Variants in APLP2 observed in about 807,000 individuals in gnomAD.
The protein encoded by APLP2 is amyloid beta precursor like protein 2.
A neutral mutation model predicts 89.9 loss-of-function variants in APLP2; 53 were observed. The observed-to-expected ratio is 0.59, with a 90% CI of 0.47 to 0.74. The LOEUF (loss-of-function observed/expected upper bound fraction) is 0.74, where lower values mean the gene tolerates loss of function less well. APLP2 is among the 30% of genes least tolerant of loss of function. The pLI is 0.00. For synonymous variants in APLP2, 372 were observed against 348.6 expected, an observed-to-expected ratio of 1.07 and a Z score of -0.75; for missense variants, 973 against 975.9, an observed-to-expected ratio of 1.00 and a Z score of 0.04.
At chr11:130,130,958 T>C (rs768220102) in intron 11 of APLP2, among the ~76,000 whole-genome samples, 31 of 152,344 alleles carry the variant, frequency 2.0e-4, no homozygotes, top group Non-Finnish European at 3.5e-4. Flanking sequence ...GCTGAGCTGC[T>C]CCATTTGTGG....
At chr11:130,125,048 G>A (rs1191628727) in intron 7 of APLP2, among the ~76,000 whole-genome samples, 4 of 152,142 alleles carry the variant, frequency 2.6e-5, no homozygotes, top group Non-Finnish European at 5.9e-5. Context: ...GATTTGCCTC[G>A]GAGAAGCTTT....
intron 1 of APLP2, among the ~76,000 whole-genome samples, chr11:130,105,826 C>G (rs915822645): frequency 1.3e-5 from 2 of 151,940 alleles, no homozygotes; most frequent in African/African-American, 4.8e-5. Context: ...GCCTCAGCCT[C>G]CTGAGTAGCT....
rs1950540176 is a variant in APLP2 at position 130,127,752 on chromosome 11, G to C, written c.1222-14G>C. ...ATTAATCACTGCTGACGGCGTTTTT[G>C]ACCTTTGTTCTAGGTAAAGAAGGAA... On this transcript the variant is annotated splice_polypyrimidine_tract_variant and intron_variant, in intron 8 of 16. Transcript: ENST00000338167. 6.2e-7 allele frequency: 1 copy of C among 1,613,564 alleles called. No individual in the cohort carries two copies. Among genetic ancestry groups the C allele is most frequent in the Non-Finnish European group, 8.5e-7 (1 of 1,179,558 alleles).
At chr11:130,131,806 G>A (rs183573435) in intron 11 of APLP2, among the ~76,000 whole-genome samples, 2 of 152,198 alleles carry the variant, frequency 1.3e-5, no homozygotes, top group Admixed American at 1.3e-4. Flanking sequence ...GTGAGATCAA[G>A]CTTCCACACC....
At chr11:130,105,106 A>AC (rs1334129570) in intron 1 of APLP2, among the ~76,000 whole-genome samples, 3 of 152,242 alleles carry the variant, frequency 2.0e-5, no homozygotes, top group Non-Finnish European at 2.9e-5. Context: ...AGAAAATCAT[A>AC]CATTTTCCAC....
At chr11:130,091,971 G>C (rs1945349668) in intron 1 of APLP2, among the ~76,000 whole-genome samples, 1 of 138,312 alleles carries the variant, frequency 7.2e-6, no homozygotes, top group Non-Finnish European at 1.5e-5. Flanking sequence ...CAGACGGGGC[G>C]GTTGCCAGGC....
chr11:130,133,841 A>C, intron 12 of APLP2, 113 bp downstream of exon 12: 1 of 760,054 alleles, frequency 1.3e-6, no homozygotes, highest in Non-Finnish European at 2.2e-6. Flanking sequence ...GAAGTGGGGC[A>C]TTAGCACATC....
intron 1 of APLP2, among the ~76,000 whole-genome samples, chr11:130,078,014 G>C (rs1942429130): frequency 6.6e-6 from 1 of 152,210 alleles, no homozygotes; most frequent in African/African-American, 2.4e-5. Flanking sequence ...AACTACCACT[G>C]AGGTCAAGAA....
rs772998883 is a variant in APLP2, at chr11:130,143,468, C to A, written c.*20C>A. On this transcript the variant is annotated 3_prime_UTR_variant, in exon 17 of 17. Coordinates refer to ENST00000338167, the MANE Select transcript of APLP2 (RefSeq NM_001142276.2). ...ATTTAGGTGGCAGGGAGCGCGGCAG[C>A]CCTGGCGGAGGGATGCAGGTGGGCC... 3.0e-5 allele frequency: 48 copies of A among 1,602,756 alleles called. No individual in the cohort carries two copies. The Admixed American group carries it at 7.7e-4, about 26-fold the overall frequency.
chr11:130,135,303 A>G (rs1401898052), intron 12 of APLP2, among the ~76,000 whole-genome samples: 1 of 152,174 alleles, frequency 6.6e-6, no homozygotes, highest in Non-Finnish European at 1.5e-5. Context: ...TAGACCTTAA[A>G]TATGTACAAT....
At chr11:130,111,602 G>T (rs1053670471) in intron 3 of APLP2, among the ~76,000 whole-genome samples, 5 of 152,144 alleles carry the variant, frequency 3.3e-5, no homozygotes, top group African/African-American at 1.2e-4. Flanking sequence ...AGGAAGAAGC[G>T]GTGCCCCTGA....
chr11:130,135,808 G>T, intron 13 of APLP2, 93 bp downstream of exon 13: 1 of 1,477,028 alleles, frequency 6.8e-7, no homozygotes, highest in Admixed American at 1.9e-5. Flanking sequence ...ATTGAGTTGG[G>T]AGATGGTGTT....
At chr11:130,087,670 C>G (rs1944332189) in intron 1 of APLP2, among the ~76,000 whole-genome samples, 1 of 152,202 alleles carries the variant, frequency 6.6e-6, no homozygotes, top group African/African-American at 2.4e-5. Flanking sequence ...CCAAAAACCA[C>G]ATTTCATAGC....
chr11:130,130,024 G>C lies in APLP2; in HGVS notation c.1456-14G>C, dbSNP rs1378968500. The C allele has an allele frequency of 1.2e-6, 2 of 1,613,244 alleles. No homozygotes were observed. The highest frequency in any genetic ancestry group is 1.7e-6 in the Non-Finnish European group (2 of 1,179,428). On this transcript the variant is annotated splice_polypyrimidine_tract_variant and intron_variant, in intron 10 of 16. Transcript: ENST00000338167. ...CTAGTCTCTGGATATTAAAACAACTGTTCTCTCTTGCAGCCTCATCGCATT... is the reference window on the plus strand; with the variant it reads ...CTAGTCTCTGGATATTAAAACAACTCTTCTCTCTTGCAGCCTCATCGCATT...
At position 130,121,857 on chromosome 11, in the gene APLP2, G is replaced by T. The variant is rs368717793; in HGVS notation, c.713+47G>T. 23 of 1,584,928 alleles carry T rather than the reference G, an allele frequency of 1.5e-5. No individual in the cohort carries two copies. The African/African-American group carries it at 3.1e-4, about 21-fold the overall frequency. On this transcript the variant is annotated intron_variant, in intron 5 of 16. Transcript: ENST00000338167. ...GTGAAGTCGTTTTGCCTTTTTGTTA[G>T]CCCTTCTGTAAAGACGGCTGTTGGC... is the stretch of plus-strand genomic sequence containing the variant.
At chr11:130,122,840 C>G (rs920747598) in intron 6 of APLP2, among the ~76,000 whole-genome samples, 1 of 152,212 alleles carries the variant, frequency 6.6e-6, no homozygotes, top group Non-Finnish European at 1.5e-5. Context: ...CTCTTCGATA[C>G]CACTCAAGTT....
At chr11:130,109,408 C>G (rs780391241) in intron 1 of APLP2, 21 bp from the exon 2 acceptor site, 9 of 1,601,346 alleles carry the variant, frequency 5.6e-6, no homozygotes, top group Non-Finnish European at 6.0e-6. Context: ...AGTAAACCTG[C>G]AATTTTTTTC....
chr11:130,136,826 G>A (rs1951674410), intron 13 of APLP2, among the ~76,000 whole-genome samples: 2 of 152,268 alleles, frequency 1.3e-5, no homozygotes, highest in Middle Eastern at 3.4e-3. Flanking sequence ...TGGGTTTGTC[G>A]GGTGGCCATG....
At chr11:130,099,193 C>T (rs1379309152) in intron 1 of APLP2, among the ~76,000 whole-genome samples, 4 of 152,198 alleles carry the variant, frequency 2.6e-5, no homozygotes. Context: ...GTCTGGTTTG[C>T]TTTGGAGTCA....
Sources: gnomAD v4.1 joint callset for allele counts (sites outside exome capture counted in the v4.1 genomes callset) on GRCh38, gnomAD v4.1.1 for gene constraint, MANE v1.5 for transcripts, NCBI Gene and HGNC (gene_info 2026-07-23, HGNC 2026-07-21) for gene names.